Variants in PTPRT observed in about 807,000 individuals in gnomAD.
The protein encoded by PTPRT is protein tyrosine phosphatase receptor type T.
In PTPRT, 56 loss-of-function variants were observed where a neutral mutation model predicts 176.8. That is an observed-to-expected ratio of 0.32 (90% CI 0.26 to 0.40). PTPRT has a LOEUF of 0.40. Ranked by LOEUF, PTPRT falls within the 10% of genes least tolerant of loss-of-function variation. The pLI is 1.00. For missense variants in PTPRT, 1,540 were observed against 1,908.2 expected (o/e 0.81, Z 3.60); for synonymous variants, 783 against 739.0 (o/e 1.06, Z -0.96).
rs141454624 is a variant in PTPRT, at chr20:43,173,341, T to G, written c.88+16305A>C. Among the ~76,000 whole-genome samples the G allele has an allele frequency of 2.6e-3, 402 of 152,358 alleles. 15 individuals are homozygous for G. In the South Asian group the frequency reaches 0.049, roughly 19 times the overall value. ...ATGAAAAAGTCAACCGCAAGGTGTT[T>G]GGTGCCTTTGGAAAATCAGAGATAA... On this transcript the variant is annotated intron_variant, in intron 1 of 30. Transcript: ENST00000373187.
intron 7 of PTPRT, among the ~76,000 whole-genome samples, chr20:42,564,722 C>T (rs571167598): frequency 1.9e-4 from 29 of 152,028 alleles, no homozygotes; most frequent in Admixed American, 1.8e-3. Flanking sequence ...CAAACCTGCA[C>T]GTTCTGCACA....
At position 42,345,524 on chromosome 20, in the gene PTPRT, CATATATATATAAAACTAGTTACTAT is replaced by C. The variant is rs2058177916; in HGVS notation, c.1865+5079_1865+5103del. Reference sequence around the variant, plus strand: ...TATAAAACTAGTTACTATAGATATACATATATATATAAAACTAGTTACTATACACACACACACATATATATACATA... The same window carrying C: ...TATAAAACTAGTTACTATAGATATACACACACACACACATATATATACATA... On this transcript the variant is annotated intron_variant, in intron 11 of 30. Transcript: ENST00000373187. 1.2e-4 allele frequency among the ~76,000 whole-genome samples: 18 copies of C among 146,276 alleles called. No homozygotes were observed. The South Asian group carries it at 3.7e-3, about 30-fold the overall frequency.
At chr20:42,050,860 A>G in the PTPRT span, among the ~76,000 whole-genome samples, 31,113 of 152,076 alleles carry the variant, frequency 0.2, 5,591 homozygotes, top group African/African-American at 0.49. Flanking sequence ...CCCACTGGCT[A>G]TTACTGACAT....
At chr20:42,395,428 C>T (rs890275045) in intron 9 of PTPRT, among the ~76,000 whole-genome samples, 1 of 152,200 alleles carries the variant, frequency 6.6e-6, no homozygotes, top group African/African-American at 2.4e-5. Context: ...ATCCCAAGAG[C>T]AGTGTCCATC....
chr20:42,427,822 C>A (rs2059179799), intron 9 of PTPRT, among the ~76,000 whole-genome samples: 1 of 152,294 alleles, frequency 6.6e-6, no homozygotes, highest in South Asian at 2.1e-4. Flanking sequence ...CCTAACTGAT[C>A]AATGTACTTT....
At position 43,094,391 on chromosome 20, in the gene PTPRT, C is replaced by CTTT. The variant is rs71335878; in HGVS notation, c.88+95252_88+95254dup. Reference sequence around the variant, plus strand: ...ATGAGCCACCGCACCCGGCCTCTTTCTTTTTTTTTTTTTTTTTTTTTTTTC... The same window carrying CTTT: ...ATGAGCCACCGCACCCGGCCTCTTTCTTTTTTTTTTTTTTTTTTTTTTTTTTTC... On this transcript the variant is annotated intron_variant, in intron 1 of 30. Transcript: ENST00000373187. Among the ~76,000 whole-genome samples the CTTT allele has an allele frequency of 8.3e-3, 535 of 64,646 alleles. 40 individuals are homozygous for CTTT. The highest frequency in any genetic ancestry group is 0.058 in the East Asian group (125 of 2,146). 42.4% of individuals were successfully genotyped at this position (64,646 alleles called of 152,430 possible). A position where few individuals can be genotyped will look rare whatever the true frequency, so the allele number is the denominator to read the frequency against.
intron 15 of PTPRT, among the ~76,000 whole-genome samples, chr20:42,212,318 CAAA>C (rs71193651): frequency 1.9e-5 from 2 of 106,908 alleles, no homozygotes; most frequent in African/African-American, 7.5e-5. Flanking sequence ...AAAAAAAAGA[CAAA>C]AAAAAAAAAA....
chr20:43,033,031 T>C (rs1366117893), intron 1 of PTPRT, among the ~76,000 whole-genome samples: 2 of 152,202 alleles, frequency 1.3e-5, no homozygotes, highest in Non-Finnish European at 2.9e-5. Context: ...GTCTGTGTGG[T>C]GTGTGCGGTA....
chr20:42,389,339 T>G (rs564043391), intron 9 of PTPRT, among the ~76,000 whole-genome samples: 2 of 152,298 alleles, frequency 1.3e-5, no homozygotes, highest in East Asian at 3.9e-4. Flanking sequence ...CCTCCACGAT[T>G]TATGTTTTCA....
chr20:42,255,396 C>T (rs1327878195), intron 13 of PTPRT, among the ~76,000 whole-genome samples: 1 of 152,178 alleles, frequency 6.6e-6, no homozygotes, highest in African/African-American at 2.4e-5. Context: ...ATATGGGGCA[C>T]AGTGATGATG....
At chr20:42,929,491 G>T (rs760959145) in intron 1 of PTPRT, among the ~76,000 whole-genome samples, 3 of 152,300 alleles carry the variant, frequency 2.0e-5, no homozygotes, top group Non-Finnish European at 2.9e-5. Flanking sequence ...TGTTCTTATG[G>T]ATGGGTTTTA....
At chr20:42,841,860 C>T (rs2145728461) in intron 2 of PTPRT, among the ~76,000 whole-genome samples, 1 of 152,276 alleles carries the variant, frequency 6.6e-6, no homozygotes, top group African/African-American at 2.4e-5. Flanking sequence ...CTAGCTGAAG[C>T]CAAAGTTTGC....
At chr20:42,437,479 G>C (rs892106227) in intron 9 of PTPRT, among the ~76,000 whole-genome samples, 2 of 152,128 alleles carry the variant, frequency 1.3e-5, no homozygotes, top group Non-Finnish European at 2.9e-5. Context: ...CGTTAAAAAC[G>C]TGCATAAAAT....
At chr20:42,537,394 ACT>A (rs2072495736) in intron 7 of PTPRT, among the ~76,000 whole-genome samples, 3 of 152,158 alleles carry the variant, frequency 2.0e-5, no homozygotes, top group Admixed American at 2.0e-4. Flanking sequence ...TCAGGTGTTG[ACT>A]CTGAATCTTC....
chr20:42,327,597 A>G (rs2057904526), intron 11 of PTPRT, among the ~76,000 whole-genome samples: 1 of 152,084 alleles, frequency 6.6e-6, no homozygotes, highest in Non-Finnish European at 1.5e-5. Flanking sequence ...TTGAGAGACA[A>G]GAGAAAGAGA....
At chr20:42,518,343 C>G (rs2072107332) in intron 7 of PTPRT, among the ~76,000 whole-genome samples, 1 of 151,946 alleles carries the variant, frequency 6.6e-6, no homozygotes, top group East Asian at 1.9e-4. Flanking sequence ...CAACTTTGGT[C>G]TCTTCTCAGA....
chr20:42,712,627 A>G (rs1163235371), intron 6 of PTPRT, among the ~76,000 whole-genome samples: 2 of 152,190 alleles, frequency 1.3e-5, no homozygotes, highest in African/African-American at 4.8e-5. Context: ...TGGAAAAGTG[A>G]TATGTAAGGT....
At chr20:42,870,407 T>C (rs138673357) in intron 2 of PTPRT, among the ~76,000 whole-genome samples, 3 of 152,322 alleles carry the variant, frequency 2.0e-5, no homozygotes, top group Non-Finnish European at 2.9e-5. Context: ...CGTCCATCTG[T>C]TGATGAACAT....
chr20:42,345,909 T>C (rs1250605092), intron 11 of PTPRT, among the ~76,000 whole-genome samples: 2 of 152,248 alleles, frequency 1.3e-5, no homozygotes, highest in East Asian at 3.9e-4. Flanking sequence ...TTGAATTCCA[T>C]GCTAAGAAGC....
Sources: allele counts gnomAD v4.1 joint callset (sites outside exome capture counted in the v4.1 genomes callset), GRCh38; gene constraint gnomAD v4.1.1; transcripts MANE v1.5; gene names NCBI Gene and HGNC (gene_info 2026-07-23, HGNC 2026-07-21).